ZNF407: variants seen among roughly 807,000 people sequenced by gnomAD.
The protein encoded by ZNF407 is zinc finger protein 407.
Under a neutral mutation model 131.2 loss-of-function variants are expected in ZNF407, and 17 were observed. The observed-to-expected ratio is 0.13, with a 90% confidence interval of 0.09 to 0.19. The LOEUF is 0.19. Among genes scored for constraint, ZNF407 ranks in the 10% least tolerant of loss-of-function variants. ZNF407 has a pLI of 1.00. For synonymous variants in ZNF407, 1,156 were observed against 1,062.0 expected (o/e 1.09, Z -1.72); for missense variants, 2,681 against 2,830.6 (o/e 0.95, Z 1.20).
At chr18:74,601,305 TTG>T (rs748852719) in intron 1 of ZNF407, among the ~76,000 whole-genome samples, 79 of 140,906 alleles carry the variant, frequency 5.6e-4, no homozygotes, top group South Asian at 1.9e-3. Context: ...CTTCAGTTAG[TTG>T]TGTGTGTGTG....
At chr18:74,794,737 TA>T (rs1417182044) in intron 4 of ZNF407, among the ~76,000 whole-genome samples, 1 of 152,148 alleles carries the variant, frequency 6.6e-6, no homozygotes, top group African/African-American at 2.4e-5. Flanking sequence ...CCTTTTTTGG[TA>T]AAAATGAACT....
chr18:74,819,252 C>A (rs552838670), intron 4 of ZNF407, among the ~76,000 whole-genome samples: 1 of 152,286 alleles, frequency 6.6e-6, no homozygotes, highest in South Asian at 2.1e-4. Context: ...TATATCGGGG[C>A]TGAATCACAG....
chr18:74,887,193 T>C (rs1971322220), intron 6 of ZNF407, among the ~76,000 whole-genome samples: 1 of 152,212 alleles, frequency 6.6e-6, no homozygotes, highest in African/African-American at 2.4e-5. Flanking sequence ...ATGAATATCA[T>C]ATATTTTCCA....
chr18:74,930,286 A>G (rs994755485), intron 8 of ZNF407, among the ~76,000 whole-genome samples: 24 of 152,236 alleles, frequency 1.6e-4, no homozygotes, highest in African/African-American at 5.3e-4. Flanking sequence ...AGAAAATACC[A>G]GAAGAAATGT....
chr18:74,802,957 T>TGTA (rs1161664554), intron 4 of ZNF407, among the ~76,000 whole-genome samples: 1 of 152,130 alleles, frequency 6.6e-6, no homozygotes, highest in Non-Finnish European at 1.5e-5. Context: ...TTTGCCAGTG[T>TGTA]GTAGGAATTT....
intron 3 of ZNF407, among the ~76,000 whole-genome samples, chr18:74,651,098 G>C (rs1310483985): frequency 6.6e-6 from 1 of 152,116 alleles, no homozygotes; most frequent in Non-Finnish European, 1.5e-5. Flanking sequence ...TGATGTGTTA[G>C]AGAGTGATAA....
At chr18:74,729,075 C>G (rs1300638153) in intron 3 of ZNF407, among the ~76,000 whole-genome samples, 1 of 152,122 alleles carries the variant, frequency 6.6e-6, no homozygotes, top group African/African-American at 2.4e-5. Flanking sequence ...ACTATAGAAT[C>G]TACTCCAAAT....
chr18:74,881,873 C>G (rs191814152), intron 6 of ZNF407, among the ~76,000 whole-genome samples: 7 of 152,296 alleles, frequency 4.6e-5, no homozygotes, highest in South Asian at 2.1e-4. Context: ...GTTTATTGGA[C>G]TTAACAGTTC....
At chr18:74,945,155 C>A (rs1211183746) in intron 8 of ZNF407, among the ~76,000 whole-genome samples, 1 of 152,114 alleles carries the variant, frequency 6.6e-6, no homozygotes, top group Non-Finnish European at 1.5e-5. Context: ...GTTGCCTTAT[C>A]TTTAAGACCC....
chr18:74,804,461 T>C, intron 4 of ZNF407: 3 of 990,880 alleles, frequency 3.0e-6, no homozygotes, highest in Non-Finnish European at 3.6e-6. Flanking sequence ...CTTTCGTTAA[T>C]CAGCACATGG....
chr18:74,830,174 T>C (rs1455696663), intron 4 of ZNF407, among the ~76,000 whole-genome samples: 2 of 152,222 alleles, frequency 1.3e-5, no homozygotes, highest in Non-Finnish European at 2.9e-5. Context: ...CCTTCAGAAC[T>C]GTGAGAAAAT....
At chr18:74,654,691 GATC>G (rs1985374536) in intron 3 of ZNF407, among the ~76,000 whole-genome samples, 1 of 151,726 alleles carries the variant, frequency 6.6e-6, no homozygotes, top group Non-Finnish European at 1.5e-5. Flanking sequence ...ACAAATTTGA[GATC>G]ATGAGGCTGA....
intron 3 of ZNF407, among the ~76,000 whole-genome samples, chr18:74,643,978 G>T (rs977528548): frequency 3.3e-5 from 5 of 151,914 alleles, no homozygotes; most frequent in African/African-American, 1.2e-4. Flanking sequence ...AGAAGAAGCT[G>T]AATGTATTAG....
intron 8 of ZNF407, among the ~76,000 whole-genome samples, chr18:75,026,068 G>A (rs1410864539): frequency 1.3e-5 from 2 of 152,214 alleles, no homozygotes; most frequent in Non-Finnish European, 2.9e-5. Context: ...CAGATGGGCT[G>A]TGAGGGGAAG....
chr18:74,967,944 T>C (rs1972427454), intron 8 of ZNF407, among the ~76,000 whole-genome samples: 1 of 152,182 alleles, frequency 6.6e-6, no homozygotes, highest in African/African-American at 2.4e-5. Context: ...TTCCCAGGGC[T>C]CCACTGCTAC....
chr18:74,875,101 TGA>T (rs773928625), intron 4 of ZNF407, among the ~76,000 whole-genome samples: 2 of 152,216 alleles, frequency 1.3e-5, no homozygotes, highest in Non-Finnish European at 2.9e-5. Context: ...TTAGAATATT[TGA>T]GACTCAGAAT....
intron 1 of ZNF407, among the ~76,000 whole-genome samples, chr18:74,616,921 G>GTA (rs1983320897): frequency 3.9e-4 from 1 of 2,534 alleles, no homozygotes; most frequent in Admixed American, 4.1e-3. Context: ...CCATATCCAC[G>GTA]CACCATACAC....
chr18:74,714,533 G>A (rs1167281835), intron 3 of ZNF407, among the ~76,000 whole-genome samples: 1 of 152,102 alleles, frequency 6.6e-6, no homozygotes, highest in Non-Finnish European at 1.5e-5. Context: ...ATGCTGTTTT[G>A]ATTTTCCTGG....
intron 1 of ZNF407, among the ~76,000 whole-genome samples, chr18:74,622,759 T>C (rs1213114118): frequency 6.6e-6 from 1 of 151,994 alleles, no homozygotes; most frequent in East Asian, 1.9e-4. Flanking sequence ...TGTGAATGAA[T>C]ATTTGTGTGT....
Sources: gnomAD v4.1 joint callset for allele counts (sites outside exome capture counted in the v4.1 genomes callset) on GRCh38, gnomAD v4.1.1 for gene constraint, MANE v1.5 for transcripts, NCBI Gene and HGNC (gene_info 2026-07-23, HGNC 2026-07-21) for gene names.